The following TULP4 variants were observed in gnomAD, a reference collection of about 807,000 sequenced individuals.
TULP4 encodes the protein tubby-related protein 4.
TULP4 carries 16 observed loss-of-function variants against 129.0 expected under a neutral mutation model. That is an observed-to-expected ratio of 0.12 (90% CI 0.08 to 0.19). TULP4 has a LOEUF of 0.19. TULP4 is among the 10% of genes least tolerant of loss of function. The pLI is 1.00. For missense variants in TULP4, 1,842 were observed against 2,059.1 expected (o/e 0.89, Z 2.04); for synonymous variants, 998 against 854.0 (o/e 1.17, Z -2.94).
intron 1 of TULP4, among the ~76,000 whole-genome samples, chr6:158,276,335 T>C (rs1778646174): frequency 6.6e-6 from 1 of 150,974 alleles, no homozygotes; most frequent in Non-Finnish European, 1.5e-5. Flanking sequence ...GACAAGGTTT[T>C]GCTCTGACAC....
chr6:158,432,896 A>T (rs1023382630), intron 3 of TULP4, among the ~76,000 whole-genome samples: 1 of 152,230 alleles, frequency 6.6e-6, no homozygotes, highest in Admixed American at 6.5e-5. Flanking sequence ...TAAGTGGTAG[A>T]CATCGTGGCA....
chr6:158,290,094 G>A (rs1223113131), intron 1 of TULP4, among the ~76,000 whole-genome samples: 1 of 151,482 alleles, frequency 6.6e-6, no homozygotes, highest in African/African-American at 2.4e-5. Context: ...ATGCCACCAT[G>A]CTGGCTAATT....
At position 158,369,025 on chromosome 6, in the gene TULP4, T is replaced by A. The variant is rs193273484; in HGVS notation, c.253-44040T>A. Among the ~76,000 whole-genome samples, 259 of 152,310 alleles carry A rather than the reference T, an allele frequency of 1.7e-3. 1 individual carries two copies. The highest frequency in any genetic ancestry group is 1.6e-3 in the Non-Finnish European group (109 of 68,032). ...TAGTGCCACAGAAATGTGCCAAATT[T>A]CAAGAAGTGTCTCTATTTATATCTT... On this transcript the variant is annotated intron_variant, in intron 1 of 13. Transcript: ENST00000367097.
intron 1 of TULP4, among the ~76,000 whole-genome samples, chr6:158,267,798 T>G (rs1189346076): frequency 6.6e-6 from 1 of 152,132 alleles, no homozygotes; most frequent in African/African-American, 2.4e-5. Flanking sequence ...ACATGTTTGT[T>G]GGCCAGACAT....
In TULP4 at chr6:158,445,689, T is replaced by G. The variant is rs371871191; in HGVS notation, c.544-3307T>G. Among the ~76,000 whole-genome samples the G allele has an allele frequency of 1.8e-4, 28 of 152,228 alleles. 2 individuals carry two copies. The highest frequency in any genetic ancestry group is 6.5e-4 in the African/African-American group (27 of 41,530). ...ATGAACCAGCTGATGTACTAGACAT[T>G]GGAGATAAAGCACAAGCCTCAGTCC... is the stretch of plus-strand genomic sequence containing the variant. On this transcript the variant is annotated intron_variant, in intron 3 of 13. Coordinates refer to ENST00000367097, the MANE Select transcript of TULP4 (RefSeq NM_020245.5).
At chr6:158,357,682 G>GCCTTC (rs903567183) in intron 1 of TULP4, among the ~76,000 whole-genome samples, 5 of 152,170 alleles carry the variant, frequency 3.3e-5, no homozygotes, top group African/African-American at 1.2e-4. Context: ...CCGAGGCCTG[G>GCCTTC]CCTTCCCTGA....
rs901479961 is a variant in TULP4 at position 158,493,926 on chromosome 6, G to T, written c.1776+209G>T. Among the ~76,000 whole-genome samples the T allele has an allele frequency of 6.6e-6, 1 of 152,090 alleles. No individual in the cohort carries two copies. Among genetic ancestry groups the T allele is most frequent in the Non-Finnish European group, 1.5e-5 (1 of 68,018 alleles). ...GTGCCCCTCAGCCAGTTCTGATCTT[G>T]CAGTGACGGTGGGAGAGAACCTCCC... On this transcript the variant is annotated intron_variant, in intron 10 of 13. Transcript: ENST00000367097. The surrounding 1 kb of genome is among the most constrained non-coding windows in gnomAD (Gnocchi z 4.4).
intron 5 of TULP4, among the ~76,000 whole-genome samples, chr6:158,453,087 C>T (rs1054042082): frequency 5.3e-5 from 8 of 152,126 alleles, no homozygotes; most frequent in African/African-American, 1.9e-4. Context: ...TCGCTGCTGT[C>T]ATTCAAAACT....
intron 1 of TULP4, among the ~76,000 whole-genome samples, chr6:158,235,621 T>C (rs1777676676): frequency 6.6e-6 from 1 of 152,248 alleles, no homozygotes; most frequent in South Asian, 2.1e-4. Context: ...GTGCTTGGTT[T>C]ACAGGCATGA....
At chr6:158,418,965 T>G (rs1778276416) in intron 2 of TULP4, among the ~76,000 whole-genome samples, 1 of 152,274 alleles carries the variant, frequency 6.6e-6, no homozygotes, top group Non-Finnish European at 1.5e-5. Context: ...TTAAAATGCA[T>G]GTAAGTAAAT....
intron 1 of TULP4, among the ~76,000 whole-genome samples, chr6:158,301,286 A>C (rs1779126754): frequency 6.6e-6 from 1 of 152,228 alleles, no homozygotes; most frequent in Non-Finnish European, 1.5e-5. Flanking sequence ...CCACATAACC[A>C]GCATTTCTGT....
At chr6:158,448,529 T>A (rs984715382) in intron 3 of TULP4, among the ~76,000 whole-genome samples, 13 of 152,228 alleles carry the variant, frequency 8.5e-5, no homozygotes, top group African/African-American at 3.1e-4. Flanking sequence ...AATATGGTTA[T>A]ATAACATGCT....
At chr6:158,409,093 G>T (rs766499577) in intron 1 of TULP4, among the ~76,000 whole-genome samples, 3 of 152,272 alleles carry the variant, frequency 2.0e-5, no homozygotes, top group Non-Finnish European at 4.4e-5. Flanking sequence ...GAAGATGAAC[G>T]TCCTTGGGAT....
intron 3 of TULP4, among the ~76,000 whole-genome samples, chr6:158,444,098 T>C (rs1778971404): frequency 2.0e-5 from 3 of 151,882 alleles, no homozygotes; most frequent in East Asian, 1.9e-4. Context: ...CGCAAGCCTG[T>C]AGTCCCAGCT....
intron 1 of TULP4, among the ~76,000 whole-genome samples, chr6:158,403,369 C>T (rs1032465577): frequency 3.3e-5 from 5 of 152,132 alleles, no homozygotes; most frequent in African/African-American, 7.2e-5. Context: ...GACGGAGTTT[C>T]GCTCTTGTTG....
intron 1 of TULP4, among the ~76,000 whole-genome samples, chr6:158,247,596 A>G (rs866611137): frequency 1.2e-4 from 19 of 152,356 alleles, no homozygotes; most frequent in Middle Eastern, 3.4e-3. Context: ...TGAGTCAGTT[A>G]TACCTCTGAT....
intron 6 of TULP4, among the ~76,000 whole-genome samples, chr6:158,474,585 T>TGGGA (rs1779772472): frequency 1.3e-5 from 2 of 152,192 alleles, no homozygotes; most frequent in African/African-American, 4.8e-5. Flanking sequence ...AAGACCCCCT[T>TGGGA]GCTGTTGCTC....
chr6:158,319,231 A>C (rs982281358), intron 1 of TULP4, among the ~76,000 whole-genome samples: 9 of 152,168 alleles, frequency 5.9e-5, no homozygotes, highest in Non-Finnish European at 1.0e-4. Context: ...AATTGACAGG[A>C]GCTCCCCTTG....
intron 1 of TULP4, among the ~76,000 whole-genome samples, chr6:158,262,374 G>A (rs990187661): frequency 9.9e-5 from 15 of 152,106 alleles, no homozygotes; most frequent in Admixed American, 9.2e-4. Flanking sequence ...CTGGTAACAC[G>A]CCTACGGTGC....
Sources: allele counts gnomAD v4.1 joint callset (sites outside exome capture counted in the v4.1 genomes callset), GRCh38; gene constraint gnomAD v4.1.1; non-coding constraint Gnocchi (gnomAD v3.1); transcripts MANE v1.5; gene names NCBI Gene and HGNC (gene_info 2026-07-23, HGNC 2026-07-21).